Variants in ELL2 observed in about 807,000 individuals in gnomAD.
The protein encoded by ELL2 is elongation factor for RNA polymerase II 2.
A neutral mutation model predicts 72.8 loss-of-function variants in ELL2; 21 were observed. That is an observed-to-expected ratio of 0.29 (90% CI 0.20 to 0.42). The LOEUF is 0.42. Among genes scored for constraint, ELL2 ranks in the 10% least tolerant of loss-of-function variants. The probability of loss-of-function intolerance (pLI) is 1.00; values close to 1 mark genes in which losing one functional copy is unlikely to be tolerated. For synonymous variants in ELL2, 266 were observed against 283.2 expected (o/e 0.94, Z 0.61); for missense variants, 568 against 772.8 (o/e 0.73, Z 3.14).
At chr5:95,899,034 C>A (rs1749017126) in intron 7 of ELL2, among the ~76,000 whole-genome samples, 1 of 152,148 alleles carries the variant, frequency 6.6e-6, no homozygotes, top group African/African-American at 2.4e-5. Context: ...ATGTGAAATA[C>A]ATTTTCATGT....
At chr5:95,898,879 G>T (rs1448866258) in intron 7 of ELL2, 69 bp from the exon 8 acceptor site, 3 of 1,208,634 alleles carry the variant, frequency 2.5e-6, no homozygotes, top group South Asian at 4.3e-5. Flanking sequence ...TACATGCATG[G>T]CTGGTTAAAC....
chr5:95,899,745 G>A (rs1370353247), intron 7 of ELL2, among the ~76,000 whole-genome samples: 1 of 151,950 alleles, frequency 6.6e-6, no homozygotes, highest in African/African-American at 2.4e-5. Context: ...CATTTATTTG[G>A]CACCTAGTAT....
At chr5:95,945,772 T>C (rs1038624964) in intron 1 of ELL2, among the ~76,000 whole-genome samples, 3 of 152,330 alleles carry the variant, frequency 2.0e-5, no homozygotes, top group East Asian at 1.9e-4. Flanking sequence ...GGACACTGTA[T>C]GGTCAGAGGG....
At chr5:95,936,084 C>T (rs927518755) in intron 2 of ELL2, among the ~76,000 whole-genome samples, 2 of 152,144 alleles carry the variant, frequency 1.3e-5, no homozygotes, top group Non-Finnish European at 2.9e-5. Flanking sequence ...TATCAGGGTA[C>T]ATTGATGAAG....
intron 3 of ELL2, among the ~76,000 whole-genome samples, chr5:95,914,602 C>A (rs536796666): frequency 3.8e-4 from 58 of 152,074 alleles, no homozygotes; most frequent in African/African-American, 1.4e-3. Flanking sequence ...CCCTGTAATC[C>A]CAACACTTTG....
chr5:95,951,991 T>C (rs915928203), intron 1 of ELL2, among the ~76,000 whole-genome samples: 4 of 152,162 alleles, frequency 2.6e-5, no homozygotes, highest in Non-Finnish European at 4.4e-5. Flanking sequence ...CTTAGGTAGA[T>C]AGAGATTTGA....
chr5:95,917,143 G>C (rs889972728), intron 3 of ELL2, among the ~76,000 whole-genome samples: 3 of 152,096 alleles, frequency 2.0e-5, no homozygotes, highest in African/African-American at 7.2e-5. Context: ...CTTCGCTTAA[G>C]TGTGCATTAT....
At chr5:95,917,567 G>C (rs1383828096) in intron 3 of ELL2, among the ~76,000 whole-genome samples, 1 of 152,206 alleles carries the variant, frequency 6.6e-6, no homozygotes, top group Admixed American at 6.5e-5. Flanking sequence ...GCTGTGAAGT[G>C]AAAGCCTGAG....
At chr5:95,927,776 T>TGTGTGTATATAGACATACACACACAC (rs1750437463) in intron 2 of ELL2, among the ~76,000 whole-genome samples, 3 of 60,218 alleles carry the variant, frequency 5.0e-5, no homozygotes, top group African/African-American at 2.5e-4. Context: ...CACACACACA[T>TGTGTGTATATAGACATACACACACAC]ATGTGTGTAT....
Position 95,920,405 on chromosome 5 carries a change from G to A in ELL2, c.196-860C>T, listed in dbSNP as rs569241914. On this transcript the variant is annotated intron_variant, in intron 2 of 11. Transcript: ENST00000237853. Reference sequence around the variant, plus strand: ...GGCTCACTGCAACCTCCACCTCCCCGGTTCAAGCAATTCTCTGCCTCAGCC... The same window carrying A: ...GGCTCACTGCAACCTCCACCTCCCCAGTTCAAGCAATTCTCTGCCTCAGCC... Among the ~76,000 whole-genome samples the A allele has an allele frequency of 3.3e-5, 5 of 151,638 alleles. No homozygotes were observed. In the East Asian group the frequency reaches 5.8e-4, roughly 18 times the overall value.
At chr5:95,925,026 T>C (rs770254801) in intron 2 of ELL2, among the ~76,000 whole-genome samples, 2 of 152,256 alleles carry the variant, frequency 1.3e-5, no homozygotes, top group Non-Finnish European at 2.9e-5. Flanking sequence ...GTACCTTTAC[T>C]GCAGGTTTCC....
chr5:95,891,357 G>T (rs41276259), intron 9 of ELL2, 83 bp from the exon 10 acceptor site: 80,364 of 1,406,460 alleles, frequency 0.057, 2,688 homozygotes, highest in Non-Finnish European at 0.065. Context: ...AATATTTAGA[G>T]ATTAGATCCA....
Position 95,908,886 on chromosome 5 carries a change from G to C in ELL2, c.482-2104C>G, listed in dbSNP as rs190072933. ...ACAGTGAAGCCCTTCTTTCTTTCTGGGAAGGGGGATGGGCAGAGAATGTTT... is the reference window on the plus strand; with the variant it reads ...ACAGTGAAGCCCTTCTTTCTTTCTGCGAAGGGGGATGGGCAGAGAATGTTT... On this transcript the variant is annotated intron_variant, in intron 4 of 11. Coordinates refer to ENST00000237853, the MANE Select transcript of ELL2 (RefSeq NM_012081.6). Among the ~76,000 whole-genome samples the C allele has an allele frequency of 4.8e-3, 731 of 152,210 alleles. 3 individuals carry two copies. The highest frequency in any genetic ancestry group is 0.01 in the Middle Eastern group (3 of 294).
Position 95,948,429 on chromosome 5 carries a change from C to CAAAAAAAAAAAAAAA in ELL2, c.148-5395_148-5381dup, listed in dbSNP as rs1187881368. Among the ~76,000 whole-genome samples, 32 of 35,218 alleles carry CAAAAAAAAAAAAAAA rather than the reference C, an allele frequency of 9.1e-4. 3 individuals are homozygous for CAAAAAAAAAAAAAAA. Among genetic ancestry groups the CAAAAAAAAAAAAAAA allele is most frequent in the African/African-American group, 3.3e-3 (27 of 8,262 alleles). 23.1% of individuals were successfully genotyped at this position (35,218 alleles called of 152,430 possible). A position where few individuals can be genotyped will look rare whatever the true frequency, so the allele number is the denominator to read the frequency against. On this transcript the variant is annotated intron_variant, in intron 1 of 11. Coordinates refer to ENST00000237853, the MANE Select transcript of ELL2 (RefSeq NM_012081.6). ...TGGGCAACAGAGCGAGACTCCGCCTCAAAAAAAAAAAAAAAAAAAAAAAAG... is the reference window on the plus strand; with the variant it reads ...TGGGCAACAGAGCGAGACTCCGCCTCAAAAAAAAAAAAAAAAAAAAAAAAAAAAAAAAAAAAAAAG...
At chr5:95,923,022 T>C (rs1750151431) in intron 2 of ELL2, among the ~76,000 whole-genome samples, 1 of 152,202 alleles carries the variant, frequency 6.6e-6, no homozygotes, top group Non-Finnish European at 1.5e-5. Flanking sequence ...AATTACGCAG[T>C]ACAAAATATC....
intron 1 of ELL2, among the ~76,000 whole-genome samples, chr5:95,944,117 C>T (rs1359353518): frequency 6.6e-6 from 1 of 152,188 alleles, no homozygotes; most frequent in African/African-American, 2.4e-5. Context: ...TATAGCACAT[C>T]ACCTACTACT....
chr5:95,914,477 T>G (rs1749712127), intron 3 of ELL2, among the ~76,000 whole-genome samples: 1 of 152,224 alleles, frequency 6.6e-6, no homozygotes, highest in South Asian at 2.1e-4. Context: ...GAATTTGTAT[T>G]TACTTTGTTA....
intron 2 of ELL2, among the ~76,000 whole-genome samples, chr5:95,922,326 T>C (rs1371942356): frequency 3.9e-5 from 6 of 152,260 alleles, no homozygotes; most frequent in Admixed American, 3.3e-4. Flanking sequence ...CCTCCCAAAG[T>C]GCTGGGATTA....
intron 2 of ELL2, among the ~76,000 whole-genome samples, chr5:95,931,796 T>TA (rs368583353): frequency 0.68 from 48,834 of 72,094 alleles, 18,011 homozygotes; most frequent in Non-Finnish European, 0.76. Flanking sequence ...GCCCTATCCA[T>TA]AAAAAAAAAA....
Sources: allele counts gnomAD v4.1 joint callset (sites outside exome capture counted in the v4.1 genomes callset), GRCh38; gene constraint gnomAD v4.1.1; transcripts MANE v1.5; gene names NCBI Gene and HGNC (gene_info 2026-07-23, HGNC 2026-07-21).